The following P4HA1 variants were observed in gnomAD, a reference collection of about 807,000 sequenced individuals.
P4HA1 encodes the protein prolyl 4-hydroxylase subunit alpha-1.
Under a neutral mutation model 72.8 loss-of-function variants are expected in P4HA1, and 24 were observed. That is an observed-to-expected ratio of 0.33 (90% CI 0.24 to 0.46). The LOEUF (loss-of-function observed/expected upper bound fraction) is 0.46, where lower values mean the gene tolerates loss of function less well. Ranked by LOEUF, P4HA1 falls within the 20% of genes least tolerant of loss-of-function variation. P4HA1 has a pLI of 1.00. For missense variants in P4HA1, 446 were observed against 640.6 expected (o/e 0.70, Z 3.28); for synonymous variants, 201 against 218.8 (o/e 0.92, Z 0.72).
Position 73,077,206 on chromosome 10 carries a change from CTTCTA to C in P4HA1, c.-32-2296_-32-2292del, listed in dbSNP as rs1164778832. Among the ~76,000 whole-genome samples the C allele has an allele frequency of 1.1e-4, 16 of 152,346 alleles. No homozygotes were observed. In the East Asian group the frequency reaches 2.5e-3, roughly 24 times the overall value. ...GTCTAGAATTTTCTGTTTAAACATA[CTTCTA>C]TTCTAATTTTCTTCATGGATAAATG... On this transcript the variant is annotated intron_variant, in intron 1 of 14. Transcript: ENST00000394890.
chr10:73,085,773 A>G (rs575468889), intron 1 of P4HA1, among the ~76,000 whole-genome samples: 26 of 152,328 alleles, frequency 1.7e-4, no homozygotes, highest in African/African-American at 6.0e-4. Context: ...ATTCATCACT[A>G]TGAAAATGCA....
chr10:73,024,782 GAC>G (rs1175475940), intron 10 of P4HA1, among the ~76,000 whole-genome samples: 27 of 152,044 alleles, frequency 1.8e-4, no homozygotes, highest in Admixed American at 6.6e-4. Flanking sequence ...TAATCAAATA[GAC>G]ACAGTAAAAA....
chr10:73,092,661 A>C (rs1462463534), intron 1 of P4HA1, among the ~76,000 whole-genome samples: 1 of 149,548 alleles, frequency 6.7e-6, no homozygotes, highest in Non-Finnish European at 1.5e-5. Context: ...CCTGGGCAAC[A>C]TAGTAAGGCC....
chr10:73,077,271 A>C (rs1275433382), intron 1 of P4HA1, among the ~76,000 whole-genome samples: 1 of 152,268 alleles, frequency 6.6e-6, no homozygotes, highest in African/African-American at 2.4e-5. Flanking sequence ...TTCACTGTTA[A>C]CAGAAGGCTA....
chr10:73,057,576 G>A (rs1323036438), intron 5 of P4HA1, among the ~76,000 whole-genome samples: 1 of 152,034 alleles, frequency 6.6e-6, no homozygotes, highest in Non-Finnish European at 1.5e-5. Flanking sequence ...GAAGAGAACA[G>A]AAAGAATATA....
chr10:73,048,326 T>G (rs1840925875), intron 7 of P4HA1, among the ~76,000 whole-genome samples: 3 of 152,194 alleles, frequency 2.0e-5, no homozygotes, highest in Admixed American at 6.5e-5. Flanking sequence ...TGCAATGCCT[T>G]GATCTCGGCT....
At chr10:73,015,877 GTT>G (rs113800763) in intron 11 of P4HA1, among the ~76,000 whole-genome samples, 1 of 144,886 alleles carries the variant, frequency 6.9e-6, no homozygotes, top group Non-Finnish European at 1.5e-5. Context: ...TAGGTGTTTG[GTT>G]TTTTTTTTTT....
At chr10:73,013,416 G>A (rs1839949648) in intron 12 of P4HA1, among the ~76,000 whole-genome samples, 1 of 152,242 alleles carries the variant, frequency 6.6e-6, no homozygotes, top group East Asian at 1.9e-4. Flanking sequence ...CACATGTATT[G>A]GCCAGACTTT....
At chr10:73,095,010 A>G (rs774861801) in intron 1 of P4HA1, among the ~76,000 whole-genome samples, 34 of 152,170 alleles carry the variant, frequency 2.2e-4, no homozygotes, top group Admixed American at 3.9e-4. Context: ...CATTTAAAAG[A>G]GACAGAAATA....
At chr10:73,015,529 G>A (rs1458822222) in intron 11 of P4HA1, among the ~76,000 whole-genome samples, 2 of 152,168 alleles carry the variant, frequency 1.3e-5, no homozygotes, top group Non-Finnish European at 2.9e-5. Flanking sequence ...CCCCAGCCAG[G>A]ATGGAAACAG....
In P4HA1 at chr10:73,029,933, C is replaced by A. The variant is rs534001964; in HGVS notation, c.1248+338G>T. Reference sequence around the variant, plus strand: ...AATAAATAAATAAAAAGGAAAAAAACCCACTATTTTTTAAAACCCACCCTG... The same window carrying A: ...AATAAATAAATAAAAAGGAAAAAAAACCACTATTTTTTAAAACCCACCCTG... On this transcript the variant is annotated intron_variant, in intron 10 of 14. Transcript: ENST00000394890. Among the ~76,000 whole-genome samples the A allele has an allele frequency of 5.3e-5, 8 of 152,108 alleles. No individual in the cohort carries two copies. In the East Asian group the frequency reaches 9.6e-4, roughly 18 times the overall value.
At chr10:73,009,718 TG>T in intron 14 of P4HA1, 88 bp downstream of exon 14, 1 of 699,810 alleles carries the variant, frequency 1.4e-6, no homozygotes, top group Non-Finnish European at 2.5e-6. Context: ...TAAGCAAACA[TG>T]GGGGCTTTTG....
intron 7 of P4HA1, among the ~76,000 whole-genome samples, chr10:73,048,976 T>C (rs1254871859): frequency 1.3e-5 from 2 of 151,856 alleles, no homozygotes; most frequent in African/African-American, 4.8e-5. Context: ...CTACTAAAAA[T>C]ACAAAAAATT....
At chr10:73,066,522 CTTTTTGT>C (rs1841426164) in intron 5 of P4HA1, among the ~76,000 whole-genome samples, 1 of 151,894 alleles carries the variant, frequency 6.6e-6, no homozygotes, top group African/African-American at 2.4e-5. Context: ...TTCTTTTTTG[CTTTTTGT>C]TTTTTGAGAT....
At chr10:73,070,233 T>C (rs113204561) in intron 4 of P4HA1, among the ~76,000 whole-genome samples, 28,766 of 139,586 alleles carry the variant, frequency 0.21, 5,188 homozygotes, top group African/African-American at 0.48. Flanking sequence ...TCTTGGCTCA[T>C]GGCAACCTCC....
At chr10:73,063,970 G>C (rs1183897570) in intron 5 of P4HA1, among the ~76,000 whole-genome samples, 4 of 146,830 alleles carry the variant, frequency 2.7e-5, no homozygotes, top group Non-Finnish European at 5.9e-5. Flanking sequence ...AATAAGGAAA[G>C]TGGTATGGGC....
At chr10:73,041,040 T>C (rs1040912426) in intron 9 of P4HA1, among the ~76,000 whole-genome samples, 3 of 152,166 alleles carry the variant, frequency 2.0e-5, no homozygotes, top group African/African-American at 7.2e-5. Context: ...CTATGCAAAT[T>C]AGTTTCTGCA....
intron 1 of P4HA1, among the ~76,000 whole-genome samples, chr10:73,083,661 T>G (rs1344265059): frequency 6.6e-6 from 1 of 152,206 alleles, no homozygotes; most frequent in Non-Finnish European, 1.5e-5. Flanking sequence ...TTTCTGGCAC[T>G]CTATTCTACC....
At chr10:73,033,607 C>G (rs534383929) in intron 9 of P4HA1, among the ~76,000 whole-genome samples, 1 of 152,322 alleles carries the variant, frequency 6.6e-6, no homozygotes, top group South Asian at 2.1e-4. Context: ...TCACTTTACT[C>G]CTTTAAAACT....
Sources: gnomAD v4.1 joint callset for allele counts (sites outside exome capture counted in the v4.1 genomes callset) on GRCh38, gnomAD v4.1.1 for gene constraint, MANE v1.5 for transcripts, NCBI Gene and HGNC (gene_info 2026-07-23, HGNC 2026-07-21) for gene names.